The following USP32 variants were observed in gnomAD, a reference collection of about 807,000 sequenced individuals.
USP32 encodes ubiquitin carboxyl-terminal hydrolase 32.
In USP32, 59 loss-of-function variants were observed where a neutral mutation model predicts 204.8. That is an observed-to-expected ratio of 0.29 (90% confidence interval 0.23 to 0.36). The LOEUF is 0.36. Ranked by LOEUF, USP32 falls within the 10% of genes least tolerant of loss-of-function variation. The pLI, the probability that USP32 is intolerant of heterozygous loss-of-function variation, is 1.00. For synonymous variants in USP32, 517 were observed against 678.4 expected, an observed-to-expected ratio of 0.76 and a Z score of 3.70; for missense variants, 1,160 against 1,946.4, an observed-to-expected ratio of 0.60 and a Z score of 7.60.
chr17:60,234,831 C>T (rs928985706), intron 12 of USP32, among the ~76,000 whole-genome samples: 1 of 151,872 alleles, frequency 6.6e-6, no homozygotes, highest in East Asian at 1.9e-4. Flanking sequence ...CCTATCTGGG[C>T]GTTTCAAAGT....
At chr17:60,350,071 T>G (rs1405054590) in intron 1 of USP32, among the ~76,000 whole-genome samples, 1 of 151,906 alleles carries the variant, frequency 6.6e-6, no homozygotes, top group East Asian at 1.9e-4. Context: ...TGGAATGCAG[T>G]GGCATGATCT....
At chr17:60,233,357 T>G (rs1394510659) in intron 12 of USP32, among the ~76,000 whole-genome samples, 1 of 152,040 alleles carries the variant, frequency 6.6e-6, no homozygotes, top group Non-Finnish European at 1.5e-5. Flanking sequence ...TCTCAGCTAC[T>G]CAGGAGGTGG....
At chr17:60,182,196 A>G (rs1156926011) in intron 31 of USP32, among the ~76,000 whole-genome samples, 3 of 152,204 alleles carry the variant, frequency 2.0e-5, no homozygotes, top group Non-Finnish European at 4.4e-5. Context: ...AAAATCCTGT[A>G]AGGCTTTAAA....
intron 12 of USP32, among the ~76,000 whole-genome samples, chr17:60,227,049 A>C (rs1598098995): frequency 1.3e-5 from 2 of 148,682 alleles, no homozygotes; most frequent in East Asian, 3.9e-4. Flanking sequence ...AAAAAAAAAA[A>C]AAAAAAAAAA....
chr17:60,280,344 A>C (rs985403699), intron 5 of USP32, among the ~76,000 whole-genome samples: 2 of 151,916 alleles, frequency 1.3e-5, no homozygotes, highest in Non-Finnish European at 2.9e-5. Context: ...TAATCCACCC[A>C]CCTCAGCCTC....
At chr17:60,278,971 A>G (rs1441328898) in intron 5 of USP32, among the ~76,000 whole-genome samples, 2 of 152,252 alleles carry the variant, frequency 1.3e-5, no homozygotes, top group African/African-American at 2.4e-5. Context: ...GGAAAAGGAA[A>G]GAGTATTATA....
At chr17:60,370,249 A>G (rs530821421) in intron 1 of USP32, among the ~76,000 whole-genome samples, 77 of 152,242 alleles carry the variant, frequency 5.1e-4, no homozygotes, top group African/African-American at 1.8e-3. Flanking sequence ...TTTAAGAACT[A>G]AAATGATGAC....
chr17:60,394,812 C>T (rs1279221273), upstream of USP32, among the ~76,000 whole-genome samples: 5 of 152,104 alleles, frequency 3.3e-5, no homozygotes, highest in African/African-American at 9.7e-5. Flanking sequence ...GGCGCAATCT[C>T]GGTTCACTGC....
intron 12 of USP32, among the ~76,000 whole-genome samples, chr17:60,234,244 G>C (rs575528884): frequency 1.3e-5 from 2 of 151,534 alleles, no homozygotes; most frequent in African/African-American, 4.8e-5. Context: ...CTCCCGAGTA[G>C]CTGGGACCAT....
intron 16 of USP32, among the ~76,000 whole-genome samples, chr17:60,215,979 C>A (rs2085090985): frequency 6.6e-6 from 1 of 152,056 alleles, no homozygotes; most frequent in African/African-American, 2.4e-5. Flanking sequence ...GGATTACAAA[C>A]TGAGATTACA....
chr17:60,281,430 CG>C (rs2086965164), intron 5 of USP32, among the ~76,000 whole-genome samples: 1 of 151,500 alleles, frequency 6.6e-6, no homozygotes, highest in African/African-American at 2.4e-5. Flanking sequence ...CCCAGCTACT[CG>C]GGAGGCTGAG....
At chr17:60,410,271 A>T (rs2090007666) in intron 1 of USP32, among the ~76,000 whole-genome samples, 1 of 152,074 alleles carries the variant, frequency 6.6e-6, no homozygotes, top group Non-Finnish European at 1.5e-5. Flanking sequence ...CCAGAAACTG[A>T]CTCAGTGCAG....
At chr17:60,399,743 A>C (rs993283661) in intron 1 of USP32, among the ~76,000 whole-genome samples, 2 of 152,174 alleles carry the variant, frequency 1.3e-5, no homozygotes, top group African/African-American at 4.8e-5. Context: ...GTGATATTTA[A>C]GCCAAAATTG....
intron 11 of USP32, among the ~76,000 whole-genome samples, chr17:60,247,020 A>C (rs1040856697): frequency 6.6e-6 from 1 of 152,024 alleles, no homozygotes; most frequent in African/African-American, 2.4e-5. Flanking sequence ...TTTGCTGTAA[A>C]GCTTTTTAAC....
chr17:60,262,928 C>T (rs2086489218), intron 9 of USP32, among the ~76,000 whole-genome samples: 1 of 151,992 alleles, frequency 6.6e-6, no homozygotes, highest in Admixed American at 6.6e-5. Flanking sequence ...CCTTTCTATC[C>T]TCTCACCGTA....
intron 9 of USP32, among the ~76,000 whole-genome samples, chr17:60,262,869 C>T (rs571884059): frequency 9.2e-5 from 14 of 152,266 alleles, no homozygotes; most frequent in South Asian, 2.1e-4. Context: ...TAAAGTGCCA[C>T]ATCCCAGCAG....
At chr17:60,261,434 G>A (rs1179769935) in intron 9 of USP32, among the ~76,000 whole-genome samples, 1 of 152,078 alleles carries the variant, frequency 6.6e-6, no homozygotes, top group Non-Finnish European at 1.5e-5. Context: ...ATCACTTAAG[G>A]TCAGGAGTTT....
At chr17:60,388,105 G>A (rs755318661) in intron 1 of USP32, among the ~76,000 whole-genome samples, 2 of 152,052 alleles carry the variant, frequency 1.3e-5, no homozygotes, top group South Asian at 2.1e-4. Flanking sequence ...CTGAATTAAT[G>A]AGCAAAAGGA....
Position 60,190,544 on chromosome 17 carries a change from G to A in USP32, c.3642+19C>T. On this transcript the variant is annotated intron_variant, in intron 29 of 33. Coordinates refer to ENST00000300896, the MANE Select transcript of USP32 (RefSeq NM_032582.4). The stretch of plus-strand genomic sequence containing the variant: ...TCTCATATAAAAACCACCATTTTAT[G>A]GTGGCCCTAAATACTTACCCTTTCC... The A allele has an allele frequency of 6.5e-7, 1 of 1,529,046 alleles. No homozygotes were observed. Among genetic ancestry groups the A allele is most frequent in the Non-Finnish European group, 8.7e-7 (1 of 1,143,878 alleles). 94.7% of individuals were successfully genotyped at this position (1,529,046 alleles called of 1,614,324 possible).
Sources: allele counts gnomAD v4.1 joint callset (sites outside exome capture counted in the v4.1 genomes callset), GRCh38; gene constraint gnomAD v4.1.1; transcripts MANE v1.5; gene names NCBI Gene and HGNC (gene_info 2026-07-23, HGNC 2026-07-21).